The following ZBTB46 variants were observed in gnomAD, a reference collection of about 807,000 sequenced individuals.
The protein encoded by ZBTB46 is zinc finger and BTB domain-containing protein 46.
A neutral mutation model predicts 44.1 loss-of-function variants in ZBTB46; 8 were observed. That is an observed-to-expected ratio of 0.18 (90% confidence interval 0.11 to 0.33). The LOEUF (loss-of-function observed/expected upper bound fraction) is 0.33. Ranked by LOEUF, ZBTB46 falls within the 10% of genes least tolerant of loss-of-function variation. The pLI, the probability that ZBTB46 is intolerant of heterozygous loss-of-function variation, is 1.00. For missense variants in ZBTB46, 651 were observed against 847.7 expected (o/e 0.77, Z 2.88); for synonymous variants, 409 against 382.3 (o/e 1.07, Z -0.81).
chr20:63,774,055 GCCC>G (rs565005627), intron 3 of ZBTB46, among the ~76,000 whole-genome samples: 199 of 7,082 alleles, frequency 0.028, 7 homozygotes, highest in East Asian at 0.18. Flanking sequence ...GGCACCCCCC[GCCC>G]CCCCCCCCCC....
Position 63,745,468 on chromosome 20 carries a change from A to G in ZBTB46, c.*1462T>C, listed in dbSNP as rs191618092. On this transcript the variant is annotated 3_prime_UTR_variant, in exon 5 of 5. Transcript: ENST00000245663. ...AGGGAAGCTGGTGCTCTACCTGACA[A>G]TGTGGGGAAAAGCCTGGTATACAGG... is the stretch of plus-strand genomic sequence containing the variant. The G allele has an allele frequency of 3.9e-5, 6 of 152,226 alleles. No individual in the cohort carries two copies. The highest frequency in any genetic ancestry group is 1.4e-4 in the African/African-American group (6 of 41,440). 9.4% of individuals were successfully genotyped at this position (152,226 alleles called of 1,614,324 possible).
At chr20:63,795,715 T>G (rs914130195) in intron 1 of ZBTB46, among the ~76,000 whole-genome samples, 5 of 152,108 alleles carry the variant, frequency 3.3e-5, no homozygotes, top group East Asian at 1.9e-4. Context: ...GGGAGCAAGG[T>G]CATGCACCTG....
intron 1 of ZBTB46, among the ~76,000 whole-genome samples, chr20:63,818,749 T>C (rs569559040): frequency 6.7e-6 from 1 of 148,648 alleles, no homozygotes; most frequent in Non-Finnish European, 1.5e-5. Context: ...TCCCAGCTAC[T>C]GGGGAGGCTG....
At chr20:63,777,716 A>G (rs967700677) in intron 2 of ZBTB46, among the ~76,000 whole-genome samples, 23 of 152,230 alleles carry the variant, frequency 1.5e-4, no homozygotes, top group Admixed American at 5.9e-4. Context: ...CACGTTATCC[A>G]TAACAGCCAA....
chr20:63,832,040 A>G (rs887819565), upstream of ZBTB46, among the ~76,000 whole-genome samples: 2 of 150,632 alleles, frequency 1.3e-5, no homozygotes, highest in Non-Finnish European at 3.0e-5. This position sits in a 1 kb window ranked among gnomAD's most constrained non-coding sequence, Gnocchi z 5.0. Flanking sequence ...TTGGCTGACT[A>G]GGGGCACCGG....
rs1341369039 is a variant in ZBTB46 at position 63,787,925 on chromosome 20, A to AG, written c.937+1895dup. The AG allele has an allele frequency of 1.3e-5, 2 of 152,218 alleles. No homozygotes were observed. The highest frequency in any genetic ancestry group is 2.9e-5 in the Non-Finnish European group (2 of 68,034). The allele number at this position is 152,218 out of a possible 1,614,324, so 9.4% of individuals were successfully genotyped here. ...GCCCTGCCCAGGAAGCCCTCCAGCC[A>AG]GGGGGGCAGGCAGCGTCTCCCACTG... On this transcript the variant is annotated intron_variant, in intron 2 of 4. Coordinates refer to ENST00000245663, the MANE Select transcript of ZBTB46 (RefSeq NM_001369741.1). This position sits in a 1 kb window ranked among gnomAD's most constrained non-coding sequence, Gnocchi z 4.6.
intron 1 of ZBTB46, among the ~76,000 whole-genome samples, chr20:63,828,474 G>A (rs970400605): frequency 1.3e-5 from 2 of 152,316 alleles, no homozygotes; most frequent in Non-Finnish European, 2.9e-5. Flanking sequence ...TTTTCCCCCA[G>A]GGGAGGGGAC....
At chr20:63,750,692 G>T (rs942482608) in intron 4 of ZBTB46, among the ~76,000 whole-genome samples, 7 of 152,114 alleles carry the variant, frequency 4.6e-5, no homozygotes, top group African/African-American at 1.4e-4. Flanking sequence ...CTCACTTGAG[G>T]CCAGGAGTTC....
upstream of ZBTB46, among the ~76,000 whole-genome samples, chr20:63,832,238 C>T (rs6010674): frequency 0.1 from 15,203 of 152,250 alleles, 1,232 homozygotes; most frequent in African/African-American, 0.22. The surrounding 1 kb of genome is among the most constrained non-coding windows in gnomAD (Gnocchi z 5.0). Context: ...CGTCCTCAGC[C>T]CTCGGGCGGG....
intron 4 of ZBTB46, among the ~76,000 whole-genome samples, chr20:63,747,928 A>C (rs1396703708): frequency 1.3e-5 from 2 of 152,192 alleles, no homozygotes; most frequent in Non-Finnish European, 2.9e-5. Flanking sequence ...GGACAGGCTG[A>C]GGGCCCCGCA....
At chr20:63,822,965 A>T (rs1307602125) in intron 1 of ZBTB46, among the ~76,000 whole-genome samples, 2 of 152,212 alleles carry the variant, frequency 1.3e-5, no homozygotes, top group Non-Finnish European at 2.9e-5. Context: ...GTTCGAGACC[A>T]GCCTGGGCAA....
At position 63,775,891 on chromosome 20, in the gene ZBTB46, C is replaced by A; in HGVS notation, c.1009G>T (p.Val337Leu). 1 of 1,611,710 alleles carries A rather than the reference C, an allele frequency of 6.2e-7. No individual in the cohort carries two copies. The highest frequency in any genetic ancestry group is 8.5e-7 in the Non-Finnish European group (1 of 1,179,612). Residue 337 changes from valine to leucine, a missense_variant, in exon 3 of 5, where the codon GTG becomes TTG. Transcript: ENST00000245663. Reference protein sequence around the residue: ...RGERAELYAQVEEGLLGGEAS... With the variant: ...RGERAELYAQLEEGLLGGEAS... ...TCTCCTCCCAGGAGACCCTCCTCCA[C>A]CTGTGCATAGAGCTCGGCCCTCTCT...
chr20:63,788,218 TCCTCCCGCCTCAG>T (rs2092531538), intron 2 of ZBTB46: 3 of 152,156 alleles, frequency 2.0e-5, no homozygotes, highest in Non-Finnish European at 4.4e-5. Context: ...GCTCAAGCCA[TCCTCCCGCCTCAG>T]CCTCCCAAGT....
chr20:63,818,558 CAAGAA>C (rs1440288259), intron 1 of ZBTB46, among the ~76,000 whole-genome samples: 1 of 152,122 alleles, frequency 6.6e-6, no homozygotes, highest in Non-Finnish European at 1.5e-5. Flanking sequence ...GTCAGCATGT[CAAGAA>C]AAGCATCACT....
chr20:63,755,057 GA>G (rs1188296524), intron 3 of ZBTB46, among the ~76,000 whole-genome samples: 1 of 151,992 alleles, frequency 6.6e-6, no homozygotes, highest in Non-Finnish European at 1.5e-5. Context: ...TTTTTACCTA[GA>G]AAAACAACTT....
At chr20:63,778,378 TGCAGATATTTTCCCACA>T (rs2092441780) in intron 2 of ZBTB46, among the ~76,000 whole-genome samples, 1 of 152,210 alleles carries the variant, frequency 6.6e-6, no homozygotes, top group African/African-American at 2.4e-5. Flanking sequence ...GATGATGATT[TGCAGATATTTTCCCACA>T]GCAAGAGAAT....
At chr20:63,822,362 C>T (rs1183400349) in intron 1 of ZBTB46, among the ~76,000 whole-genome samples, 2 of 152,148 alleles carry the variant, frequency 1.3e-5, no homozygotes, top group African/African-American at 4.8e-5. Context: ...GTGACACGGG[C>T]CCCCAATGAG....
intron 1 of ZBTB46, among the ~76,000 whole-genome samples, chr20:63,805,397 G>A (rs1009306715): frequency 1.1e-4 from 17 of 152,294 alleles, no homozygotes; most frequent in African/African-American, 3.8e-4. Context: ...GGAGTTGCAG[G>A]CTGCAGTCAG....
At chr20:63,778,659 G>A (rs544660790) in intron 2 of ZBTB46, among the ~76,000 whole-genome samples, 1 of 152,190 alleles carries the variant, frequency 6.6e-6, no homozygotes, top group Non-Finnish European at 1.5e-5. Context: ...CATTCGGACC[G>A]TCGAGCTACC....
Sources: gnomAD v4.1 joint callset for allele counts (sites outside exome capture counted in the v4.1 genomes callset) on GRCh38, gnomAD v4.1.1 for gene constraint, Gnocchi (gnomAD v3.1) non-coding constraint, MANE v1.5 for transcripts, NCBI Gene and HGNC (gene_info 2026-07-23, HGNC 2026-07-21) for gene names.